RBMS3: variants seen among roughly 807,000 people sequenced by gnomAD.
RBMS3 encodes the protein RNA binding motif single stranded interacting protein 3, also known as RNA-binding motif, single-stranded-interacting protein 3.
RBMS3 carries 27 observed loss-of-function variants against 66.8 expected under a neutral mutation model. The observed-to-expected ratio is 0.40, with a 90% CI of 0.30 to 0.56. The LOEUF is 0.56. Ranked by LOEUF, RBMS3 falls within the 20% of genes least tolerant of loss-of-function variation. RBMS3 has a pLI of 0.40. For missense variants in RBMS3, 513 were observed against 549.5 expected, an observed-to-expected ratio of 0.93 and a Z score of 0.66; for synonymous variants, 188 against 183.0, an observed-to-expected ratio of 1.03 and a Z score of -0.22.
intron 4 of RBMS3, among the ~76,000 whole-genome samples, chr3:29,697,606 A>T (rs541731071): frequency 6.6e-6 from 1 of 152,174 alleles, no homozygotes; most frequent in African/African-American, 2.4e-5. Flanking sequence ...CAGATGTTGA[A>T]TTTCTTTGGA....
At chr3:29,990,968 G>T in intron 13 of RBMS3, 114 bp from the exon 14 acceptor site, 1 of 927,156 alleles carries the variant, frequency 1.1e-6, no homozygotes, top group Admixed American at 2.4e-5. Context: ...GTGACTTCAT[G>T]TAGCTGAGGG....
chr3:29,384,323 A>G (rs2038903765), intron 1 of RBMS3, among the ~76,000 whole-genome samples: 1 of 151,930 alleles, frequency 6.6e-6, no homozygotes, highest in Non-Finnish European at 1.5e-5. Context: ...CTCAGGAAAA[A>G]ACAAACAAAC....
intron 4 of RBMS3, among the ~76,000 whole-genome samples, chr3:29,609,085 T>A (rs913051489): frequency 2.0e-5 from 3 of 151,920 alleles, no homozygotes; most frequent in Admixed American, 6.6e-5. Context: ...TTATAAAATA[T>A]AATAAAAATA....
At chr3:29,429,851 G>T (rs1575791408) in intron 1 of RBMS3, among the ~76,000 whole-genome samples, 2 of 152,088 alleles carry the variant, frequency 1.3e-5, no homozygotes, top group South Asian at 2.1e-4. Context: ...TAAAGACAAA[G>T]AATTGAGAAA....
intron 4 of RBMS3, among the ~76,000 whole-genome samples, chr3:29,598,383 A>T (rs1042527195): frequency 2.0e-5 from 3 of 152,070 alleles, no homozygotes; most frequent in Admixed American, 2.0e-4. Context: ...ATGATCAACA[A>T]CTACCCTTGA....
In RBMS3 at chr3:29,986,405, A is replaced by G. The variant is rs1272199393; in HGVS notation, c.1099-1738A>G. Among the ~76,000 whole-genome samples, 3 of 152,352 alleles carry G rather than the reference A, an allele frequency of 2.0e-5. No homozygotes were observed. The East Asian group carries it at 5.8e-4, about 29-fold the overall frequency. On this transcript the variant is annotated intron_variant, in intron 12 of 14. Transcript: ENST00000383767. ...ATCACCTTTAATAGGCTTCTTCTGT[A>G]AAACACGATTTCTCAGTTTAATCAT...
chr3:29,567,770 A>G (rs1316896025), intron 3 of RBMS3, among the ~76,000 whole-genome samples: 1 of 152,146 alleles, frequency 6.6e-6, no homozygotes, highest in Non-Finnish European at 1.5e-5. Context: ...GGTGTTCTCA[A>G]CTGGCCGATT....
At chr3:29,978,017 T>C (rs1212117372) in intron 12 of RBMS3, among the ~76,000 whole-genome samples, 3 of 152,148 alleles carry the variant, frequency 2.0e-5, no homozygotes, top group Admixed American at 2.0e-4. Flanking sequence ...GTCGTTCTCT[T>C]AGTCCTCTGC....
chr3:29,758,844 A>G (rs1198819186), intron 5 of RBMS3, among the ~76,000 whole-genome samples: 1 of 152,212 alleles, frequency 6.6e-6, no homozygotes, highest in African/African-American at 2.4e-5. Context: ...ATCTTACCAG[A>G]AATGAGGATG....
chr3:29,571,046 C>T (rs2046934426), intron 3 of RBMS3, among the ~76,000 whole-genome samples: 1 of 152,024 alleles, frequency 6.6e-6, no homozygotes, highest in Non-Finnish European at 1.5e-5. Context: ...GATATCTCAT[C>T]ATAGTTTTGA....
intron 1 of RBMS3, among the ~76,000 whole-genome samples, chr3:29,364,866 G>T (rs1380843887): frequency 1.3e-5 from 2 of 151,992 alleles, no homozygotes; most frequent in African/African-American, 4.8e-5. Context: ...TCGACCAATT[G>T]CTTCCTCCAC....
intron 3 of RBMS3, among the ~76,000 whole-genome samples, chr3:29,545,387 G>A (rs994274339): frequency 3.9e-5 from 6 of 151,970 alleles, no homozygotes; most frequent in African/African-American, 1.4e-4. Context: ...AAACAGCAAA[G>A]GTATTTCAAT....
chr3:29,994,015 T>G (rs569934944), intron 14 of RBMS3, among the ~76,000 whole-genome samples: 2 of 151,706 alleles, frequency 1.3e-5, no homozygotes, highest in East Asian at 1.9e-4. Flanking sequence ...TTCCATCTGA[T>G]GTACCGGGTT....
intron 2 of RBMS3, among the ~76,000 whole-genome samples, chr3:29,487,491 G>A (rs903529516): frequency 6.6e-6 from 1 of 152,128 alleles, no homozygotes; most frequent in African/African-American, 2.4e-5. Flanking sequence ...GACAGTCTAA[G>A]TAGTAATGTT....
intron 1 of RBMS3, among the ~76,000 whole-genome samples, chr3:29,359,237 T>C (rs1438292936): frequency 1.3e-5 from 2 of 152,206 alleles, no homozygotes; most frequent in Non-Finnish European, 2.9e-5. Flanking sequence ...ACCTAATTTA[T>C]TGAGAGGTTT....
intron 6 of RBMS3, among the ~76,000 whole-genome samples, chr3:29,791,503 G>T (rs79959353): frequency 0.096 from 14,546 of 152,006 alleles, 761 homozygotes; most frequent in East Asian, 0.16. Flanking sequence ...TGTTTTTTTC[G>T]TCTATTTTTC....
At chr3:29,989,145 C>G (rs1698649661) in intron 13 of RBMS3, among the ~76,000 whole-genome samples, 1 of 152,168 alleles carries the variant, frequency 6.6e-6, no homozygotes, top group Admixed American at 6.5e-5. Context: ...AGTTGTACAA[C>G]TCTTATTGCT....
chr3:29,936,046 G>T, intron 10 of RBMS3, 40 bp from the exon 11 acceptor site: 1 of 1,502,712 alleles, frequency 6.7e-7, no homozygotes, highest in Non-Finnish European at 9.2e-7. Flanking sequence ...CTCCTTCCTT[G>T]TAGGATATAT....
At chr3:29,319,754 A>G (rs1267389167) in intron 1 of RBMS3, among the ~76,000 whole-genome samples, 1 of 152,038 alleles carries the variant, frequency 6.6e-6, no homozygotes, top group Non-Finnish European at 1.5e-5. Context: ...TCTGGGCAGT[A>G]TTCTCCCAGA....
Sources: allele counts gnomAD v4.1 joint callset (sites outside exome capture counted in the v4.1 genomes callset), GRCh38; gene constraint gnomAD v4.1.1; transcripts MANE v1.5; gene names NCBI Gene and HGNC (gene_info 2026-07-23, HGNC 2026-07-21).